SPIDR: variants seen among roughly 807,000 people sequenced by gnomAD.
The protein encoded by SPIDR is DNA repair-scaffolding protein.
SPIDR carries 93 observed loss-of-function variants against 104.6 expected under a neutral mutation model. The observed-to-expected ratio is 0.89, with a 90% CI of 0.75 to 1.06. The LOEUF (loss-of-function observed/expected upper bound fraction) is 1.06. SPIDR is among the 50% of genes least tolerant of loss of function. The probability of loss-of-function intolerance (pLI) is 0.00; values close to 1 mark genes in which losing one functional copy is unlikely to be tolerated. For missense variants in SPIDR, 1,154 were observed against 1,111.2 expected (o/e 1.04, Z -0.55); for synonymous variants, 431 against 416.9 (o/e 1.03, Z -0.41).
Position 47,595,936 on chromosome 8 carries a change from C to T in SPIDR, c.1223C>T (p.Pro408Leu). The T allele has an allele frequency of 6.2e-7, 1 of 1,614,088 alleles. No homozygotes were observed. The highest frequency in any genetic ancestry group is 8.5e-7 in the Non-Finnish European group (1 of 1,180,010). Residue 408 changes from proline to leucine, a missense_variant, in exon 9 of 20, where the codon CCA becomes CTA. Physicochemically the swap from Pro to Leu is moderately conservative, Grantham distance 98. Transcript: ENST00000297423. The stretch of plus-strand genomic sequence containing the variant: ...GTGTACTGTCCGGACATACCCCTTC[C>T]AAGAAGAAGCATCTCTTTGGCCCAG... The part of the protein sequence containing the change: ...CEVYCPDIPL[P>L]RRSISLAQMF...
At chr8:47,405,740 A>T (rs1379835556) in intron 6 of SPIDR, among the ~76,000 whole-genome samples, 1 of 152,206 alleles carries the variant, frequency 6.6e-6, no homozygotes, top group Non-Finnish European at 1.5e-5. Flanking sequence ...AAAAGAGTTA[A>T]TTTGGATATA....
chr8:47,467,644 C>G (rs1354276410), intron 8 of SPIDR, among the ~76,000 whole-genome samples: 3 of 152,128 alleles, frequency 2.0e-5, no homozygotes, highest in African/African-American at 7.2e-5. Context: ...AGAAAACGCT[C>G]TTGATAAAAT....
At chr8:47,501,256 T>C (rs1029062448) in intron 8 of SPIDR, among the ~76,000 whole-genome samples, 1 of 152,268 alleles carries the variant, frequency 6.6e-6, no homozygotes, top group Non-Finnish European at 1.5e-5. Context: ...TTCACAATAT[T>C]GATTCTTCCT....
intron 8 of SPIDR, among the ~76,000 whole-genome samples, chr8:47,524,498 C>G (rs1044426881): frequency 6.6e-6 from 1 of 152,178 alleles, no homozygotes; most frequent in Admixed American, 6.5e-5. Flanking sequence ...CCTGTACTCT[C>G]CTGACCACCC....
intron 5 of SPIDR, among the ~76,000 whole-genome samples, chr8:47,327,083 A>T (rs1430489060): frequency 4.6e-5 from 7 of 152,164 alleles, no homozygotes; most frequent in African/African-American, 1.7e-4. Context: ...CAGTTTCTCC[A>T]CATCCCTTGC....
intron 11 of SPIDR, among the ~76,000 whole-genome samples, chr8:47,692,966 G>A (rs193117398): frequency 6.6e-5 from 10 of 152,276 alleles, no homozygotes; most frequent in East Asian, 5.8e-4. Flanking sequence ...TTGCTGCCAC[G>A]CAGCTTTCCA....
chr8:47,704,417 C>A (rs2080776868), intron 14 of SPIDR, among the ~76,000 whole-genome samples: 1 of 152,144 alleles, frequency 6.6e-6, no homozygotes, highest in African/African-American at 2.4e-5. Context: ...ACAACCAAAC[C>A]CTGGTGGAGC....
intron 8 of SPIDR, among the ~76,000 whole-genome samples, chr8:47,498,141 G>T (rs1034371895): frequency 6.6e-6 from 1 of 152,174 alleles, no homozygotes; most frequent in African/African-American, 2.4e-5. Context: ...ACCGATGTGT[G>T]TTTTCTTATA....
chr8:47,313,034 C>CA (rs2044526473), intron 5 of SPIDR, among the ~76,000 whole-genome samples: 1 of 152,078 alleles, frequency 6.6e-6, no homozygotes, highest in African/African-American at 2.4e-5. Flanking sequence ...CACTCCTATT[C>CA]AACATAGTGT....
At chr8:47,640,964 C>T (rs1336392855) in intron 10 of SPIDR, among the ~76,000 whole-genome samples, 2 of 148,538 alleles carry the variant, frequency 1.3e-5, no homozygotes, top group Non-Finnish European at 3.0e-5. Flanking sequence ...CTGCCCATCT[C>T]GGCCTCCCAA....
At chr8:47,635,819 A>G (rs946384237) in intron 10 of SPIDR, among the ~76,000 whole-genome samples, 2 of 152,230 alleles carry the variant, frequency 1.3e-5, no homozygotes, top group African/African-American at 4.8e-5. Flanking sequence ...GAAAGCTGAC[A>G]TGCTTACCTG....
intron 8 of SPIDR, among the ~76,000 whole-genome samples, chr8:47,514,245 G>A (rs2082784263): frequency 1.3e-5 from 2 of 151,946 alleles, no homozygotes; most frequent in Non-Finnish European, 2.9e-5. Flanking sequence ...CATTCATTTG[G>A]TATAGAAATG....
chr8:47,553,507 C>G (rs527452901), intron 8 of SPIDR, among the ~76,000 whole-genome samples: 30 of 152,316 alleles, frequency 2.0e-4, no homozygotes, highest in African/African-American at 7.2e-4. Flanking sequence ...TCTTCAATCA[C>G]TGATACCCTT....
intron 8 of SPIDR, among the ~76,000 whole-genome samples, chr8:47,546,269 A>G (rs2089357568): frequency 6.6e-6 from 1 of 152,138 alleles, no homozygotes; most frequent in Non-Finnish European, 1.5e-5. Context: ...TGAAATCACA[A>G]TACCAATTTA....
intron 7 of SPIDR, among the ~76,000 whole-genome samples, chr8:47,439,388 C>T (rs958879409): frequency 2.6e-5 from 4 of 152,038 alleles, no homozygotes; most frequent in Non-Finnish European, 5.9e-5. Context: ...TCTGTATATC[C>T]TGTTTATCCC....
At chr8:47,719,587 G>A (rs994203736) in intron 16 of SPIDR, among the ~76,000 whole-genome samples, 2 of 152,160 alleles carry the variant, frequency 1.3e-5, no homozygotes, top group African/African-American at 4.8e-5. Flanking sequence ...CAGCAGCTGG[G>A]AATTTGCCTT....
chr8:47,399,463 A>G (rs189274754), intron 6 of SPIDR, among the ~76,000 whole-genome samples: 1 of 152,236 alleles, frequency 6.6e-6, no homozygotes, highest in Non-Finnish European at 1.5e-5. Context: ...TAAATAGGGC[A>G]GTCCTTCATT....
chr8:47,656,758 C>T (rs1051138696), intron 10 of SPIDR, among the ~76,000 whole-genome samples: 2 of 152,140 alleles, frequency 1.3e-5, no homozygotes, highest in Admixed American at 6.5e-5. Flanking sequence ...AAAACAACTG[C>T]AATATCTGTC....
At chr8:47,477,893 G>T (rs551064309) in intron 8 of SPIDR, among the ~76,000 whole-genome samples, 1 of 152,278 alleles carries the variant, frequency 6.6e-6, no homozygotes, top group South Asian at 2.1e-4. Flanking sequence ...GAGCCCTAGG[G>T]GAGGCACCCC....
Sources: allele counts gnomAD v4.1 joint callset (sites outside exome capture counted in the v4.1 genomes callset), GRCh38; gene constraint gnomAD v4.1.1; transcripts MANE v1.5; gene names NCBI Gene and HGNC (gene_info 2026-07-23, HGNC 2026-07-21).